TNXB: variants seen among roughly 807,000 people sequenced by gnomAD.
The protein encoded by TNXB is tenascin XB, also known as tenascin-X.
TNXB carries 183 observed loss-of-function variants against 340.5 expected under a neutral mutation model. That is an observed-to-expected ratio of 0.54 (90% CI 0.48 to 0.61). The LOEUF (loss-of-function observed/expected upper bound fraction) is 0.61, where lower values mean the gene tolerates loss of function less well. Among genes scored for constraint, TNXB ranks in the 20% least tolerant of loss-of-function variants. The pLI is 0.00. For synonymous variants in TNXB, 2,121 were observed against 2,314.5 expected, an observed-to-expected ratio of 0.92 and a Z score of 2.40; for missense variants, 4,613 against 5,446.4, an observed-to-expected ratio of 0.85 and a Z score of 4.82.
At position 32,048,023 on chromosome 6, in the gene TNXB, C is replaced by T; in HGVS notation, c.10046-11G>A. ...GTTTGGTGTCTGGGGCTGGAAAAGA[C>T]AGTGAGGTGCATGGAGAGTGGGATG... On this transcript the variant is annotated splice_polypyrimidine_tract_variant and intron_variant, in intron 29 of 43. Coordinates refer to ENST00000644971, the MANE Select transcript of TNXB (RefSeq NM_001365276.2). The T allele has an allele frequency of 6.2e-7, 1 of 1,602,722 alleles. No individual in the cohort carries two copies. The highest frequency in any genetic ancestry group is 8.5e-7 in the Non-Finnish European group (1 of 1,174,030).
In TNXB at chr6:32,055,939, GC is replaced by G. The variant is rs778932328; in HGVS notation, c.8378del (p.Gly2793AlafsTer29). On this transcript the variant is annotated frameshift_variant, in exon 24 of 44. Transcript: ENST00000644971. LOFTEE classifies it high-confidence loss of function. The part of the protein sequence containing the change: ...RGEESEVTVG[G>X]LEPGRKYKMH... ...TCTTGTATTTGCGCCCGGGCTCCAG[GC>G]CCCCCACGGTGACCTCGCTCTCCTC... The G allele has an allele frequency of 1.9e-6, 3 of 1,613,456 alleles. No homozygotes were observed. The highest frequency in any genetic ancestry group is 2.5e-6 in the Non-Finnish European group (3 of 1,179,870).
rs772255890 is a variant in TNXB, at chr6:32,062,437, G to A, written c.6888C>T (p.Pro2296=). 3.1e-6 allele frequency: 5 copies of A among 1,611,984 alleles called. No homozygotes were observed. The highest frequency in any genetic ancestry group is 4.2e-6 in the Non-Finnish European group (5 of 1,179,064). ...EEMAPASTEP[P]TPEPPIKPRL... ...GAGGCTTGATGGGGGGTTCAGGGGT[G>A]GGAGGTTCTGTCGAGGCTGGGGCCA... Residue 2296 remains proline (P), a synonymous_variant, in exon 20 of 44, where the codon CCC becomes CCT. Coordinates refer to ENST00000644971, the MANE Select transcript of TNXB (RefSeq NM_001365276.2). This position sits in a 1 kb window ranked among gnomAD's most constrained non-coding sequence, Gnocchi z 4.3.
chr6:32,098,145 C>G lies in TNXB; in HGVS notation c.54G>C (p.Leu18=). Residue 18 remains leucine (L), a synonymous_variant, in exon 2 of 44, where the codon CTG becomes CTC. Coordinates refer to ENST00000644971, the MANE Select transcript of TNXB (RefSeq NM_001365276.2). ...LTSSLVLLVL[L]STARAGPFSS... is the part of the protein sequence containing the mutation. The stretch of plus-strand genomic sequence containing the variant: ...AGAAGGGGCCTGCTCTGGCTGTGCT[C>G]AGCAGCACCAGGAGAACCAGGCTGG... 1 of 1,576,090 alleles carries G rather than the reference C, an allele frequency of 6.3e-7. No homozygotes were observed. Among genetic ancestry groups the G allele is most frequent in the Non-Finnish European group, 8.6e-7 (1 of 1,156,964 alleles).
Position 32,073,565 on chromosome 6 carries a change from C to T in TNXB, c.4681+82G>A. 1 of 1,338,452 alleles carries T rather than the reference C, an allele frequency of 7.5e-7. No homozygotes were observed. 82.9% of individuals were successfully genotyped at this position (1,338,452 alleles called of 1,614,324 possible). The stretch of plus-strand genomic sequence containing the variant: ...CCCCTCAGTGAGGGTGCGGTGGTAC[C>T]AAGGCAGGGCTGGAAGAAGGGCCAT... On this transcript the variant is annotated intron_variant, in intron 12 of 43. Transcript: ENST00000644971. This position sits in a 1 kb window ranked among gnomAD's most constrained non-coding sequence, Gnocchi z 4.6.
At chr6:32,101,410 T>C (rs1347608219) in intron 1 of TNXB, among the ~76,000 whole-genome samples, 1 of 152,004 alleles carries the variant, frequency 6.6e-6, no homozygotes, top group African/African-American at 2.4e-5. Context: ...TGCCTCAGCC[T>C]CCTGAGTAGC....
chr6:32,094,095 C>CAAAAAAAAA (rs9281649), intron 4 of TNXB, among the ~76,000 whole-genome samples: 1 of 28,968 alleles, frequency 3.5e-5, no homozygotes, highest in Non-Finnish European at 5.8e-5. Flanking sequence ...CTCTCTGTCT[C>CAAAAAAAAA]AAAAAAAAAA....
intron 1 of TNXB, among the ~76,000 whole-genome samples, chr6:32,101,857 G>A (rs1780737949): frequency 1.3e-5 from 2 of 152,226 alleles, no homozygotes; most frequent in South Asian, 4.2e-4. Flanking sequence ...CAGAGTAGCT[G>A]GAACTACAGA....
chr6:32,071,409 C>T (rs980219483), intron 13 of TNXB, among the ~76,000 whole-genome samples: 1 of 151,998 alleles, frequency 6.6e-6, no homozygotes, highest in Admixed American at 6.5e-5. Flanking sequence ...CGCCCCTTCT[C>T]CCAGCACCCC....
chr6:32,078,531 C>T (rs540939412), intron 11 of TNXB: 205 of 159,354 alleles, frequency 1.3e-3, no homozygotes, highest in Non-Finnish European at 2.2e-3. Flanking sequence ...ATGTCTCACG[C>T]GCATTCTCCC....
In TNXB at chr6:32,050,221, G is replaced by C; in HGVS notation, c.9216C>G (p.Thr3072=). The change falls in exon 27 of 44, where the codon ACC becomes ACG. Residue 3072 remains threonine (T), a synonymous_variant. Coordinates refer to ENST00000644971, the MANE Select transcript of TNXB (RefSeq NM_001365276.2). ...TCCAGGACAGGCTGAGGGAGTCGGG[G>C]GTGGCATCTGTCACGGTCAGCTCCC... ...RLGELTVTDA[T]PDSLSLSWMV... is the part of the protein sequence containing the mutation. 1 of 1,613,756 alleles carries C rather than the reference G, an allele frequency of 6.2e-7. No homozygotes were observed. The highest frequency in any genetic ancestry group is 8.5e-7 in the Non-Finnish European group (1 of 1,179,874).
chr6:32,107,809 C>T (rs1256131336), intron 1 of TNXB, among the ~76,000 whole-genome samples: 3 of 152,046 alleles, frequency 2.0e-5, no homozygotes. Flanking sequence ...CCCTCTGACC[C>T]TCCTGCTACA....
rs764766288 is a variant in TNXB, at chr6:32,067,908, C to T, written c.6297G>A (p.Gly2099=). Reference sequence around the variant, plus strand: ...GGGAGGATCCTGTCACTGTTAGCTCCCCCAGGAGCGGCTCCTCAGCGGGCT... The same window carrying T: ...GGGAGGATCCTGTCACTGTTAGCTCTCCCAGGAGCGGCTCCTCAGCGGGCT... ...APEPAEEPLL[G]ELTVTGSSPD... The change falls in exon 18 of 44, where the codon GGG becomes GGA. Residue 2099 remains glycine, a synonymous_variant. Coordinates refer to ENST00000644971, the MANE Select transcript of TNXB (RefSeq NM_001365276.2). This position sits in a 1 kb window ranked among gnomAD's most constrained non-coding sequence, Gnocchi z 4.2. 77 of 1,612,514 alleles carry T rather than the reference C, an allele frequency of 4.8e-5. No homozygotes were observed. Among genetic ancestry groups the T allele is most frequent in the Non-Finnish European group, 6.4e-5 (75 of 1,179,848 alleles).
In TNXB at chr6:32,084,270, C is replaced by T. The variant is rs1263804319; in HGVS notation, c.3445+143G>A. 1 of 800,054 alleles carries T rather than the reference C, an allele frequency of 1.2e-6. No individual in the cohort carries two copies. Among genetic ancestry groups the T allele is most frequent in the African/African-American group, 1.7e-5 (1 of 57,976 alleles). 49.6% of individuals were successfully genotyped at this position (800,054 alleles called of 1,614,324 possible). A position where few individuals can be genotyped will look rare whatever the true frequency, so the allele number is the denominator to read the frequency against. On this transcript the variant is annotated intron_variant, in intron 8 of 43. Coordinates refer to ENST00000644971, the MANE Select transcript of TNXB (RefSeq NM_001365276.2). This position sits in a 1 kb window ranked among gnomAD's most constrained non-coding sequence, Gnocchi z 5.5. ...AGCTTCTCAAACTCTTTGCCTGCCC[C>T]ACCACTACTTTCCCTTCAGAATTCA...
chr6:32,042,480 A>T lies in TNXB; in HGVS notation c.12185T>A (p.Met4062Lys). 6.2e-7 allele frequency: 1 copy of T among 1,612,636 alleles called. No individual in the cohort carries two copies. Among genetic ancestry groups the T allele is most frequent in the African/African-American group, 1.3e-5 (1 of 74,728 alleles). ...CAGCCAGCCGCCCCCATCAGTCTCCATGTCGCAAAACACGTTCAGGGGCCG... is the reference window on the plus strand; with the variant it reads ...CAGCCAGCCGCCCCCATCAGTCTCCTTGTCGCAAAACACGTTCAGGGGCCG... ...RERPLNVFCD[M>K]ETDGGGWLVF... Residue 4062 changes from methionine to lysine, a missense_variant, in exon 40 of 44, where the codon ATG (methionine) becomes AAG (lysine). Met to Lys is a moderately conservative substitution (Grantham distance 95). Transcript: ENST00000644971.
At position 32,068,482 on chromosome 6, in the gene TNXB, G is replaced by A. The variant is rs1778537834; in HGVS notation, c.6128C>T (p.Ser2043Leu). ...GTATTTATGGTCTGGCTCCAGGCCC[G>A]AGATGGTGACCCCTTCCTCGTGCCC... ...VPGHEEGVTISGLEPDHKYKM... is the reference protein window; with the variant it reads ...VPGHEEGVTILGLEPDHKYKM... Residue 2043 changes from serine to leucine, a missense_variant, in exon 17 of 44, where the codon TCG (serine) becomes TTG (leucine). Transcript: ENST00000644971. The surrounding 1 kb of genome is among the most constrained non-coding windows in gnomAD (Gnocchi z 5.3). 5.0e-6 allele frequency: 8 copies of A among 1,613,888 alleles called. No homozygotes were observed. Among genetic ancestry groups the A allele is most frequent in the African/African-American group, 4.0e-5 (3 of 75,062 alleles).
chr6:32,057,839 G>C (rs774999930), intron 22 of TNXB, among the ~76,000 whole-genome samples: 7 of 152,114 alleles, frequency 4.6e-5, no homozygotes, highest in Non-Finnish European at 8.8e-5. Flanking sequence ...TCCCTGTCTG[G>C]TCCTGACCTG....
At position 32,082,664 on chromosome 6, in the gene TNXB, T is replaced by C. The variant is rs1257064459; in HGVS notation, c.3446-338A>G. Among the ~76,000 whole-genome samples the C allele has an allele frequency of 2.0e-5, 3 of 152,166 alleles. No individual in the cohort carries two copies. Among genetic ancestry groups the C allele is most frequent in the Non-Finnish European group, 4.4e-5 (3 of 68,024 alleles). On this transcript the variant is annotated intron_variant, in intron 8 of 43. Transcript: ENST00000644971. This position sits in a 1 kb window ranked among gnomAD's most constrained non-coding sequence, Gnocchi z 5.0. ...CCAGCCAGGCCCTTTCACATCTCCATAGCCAGGGAAATCTTCCCAGTACAA... is the reference window on the plus strand; with the variant it reads ...CCAGCCAGGCCCTTTCACATCTCCACAGCCAGGGAAATCTTCCCAGTACAA...
rs1280285621 is a variant in TNXB at position 32,053,715 on chromosome 6, G to A, written c.8468-4C>T. 6 of 1,610,198 alleles carry A rather than the reference G, an allele frequency of 3.7e-6. No homozygotes were observed. Among genetic ancestry groups the A allele is most frequent in the Non-Finnish European group, 5.1e-6 (6 of 1,177,528 alleles). On this transcript the variant is annotated splice_region_variant and splice_polypyrimidine_tract_variant and intron_variant, in intron 24 of 43. Transcript: ENST00000644971. ...GTCTCTGCTTCATCCTCTGGAGCTG[G>A]ACAGACACGTGTGGGGAGAGTGAGG...
intron 1 of TNXB, among the ~76,000 whole-genome samples, chr6:32,106,211 G>A (rs561780280): frequency 6.6e-6 from 1 of 152,096 alleles, no homozygotes; most frequent in Admixed American, 6.6e-5. Context: ...TGTGTTTGTG[G>A]AGTTTACTGA....
Sources: allele counts gnomAD v4.1 joint callset (sites outside exome capture counted in the v4.1 genomes callset), GRCh38; gene constraint gnomAD v4.1.1; non-coding constraint Gnocchi (gnomAD v3.1); transcripts MANE v1.5; gene names NCBI Gene and HGNC (gene_info 2026-07-23, HGNC 2026-07-21).